The following GNAQ variants were observed in gnomAD, a reference collection of about 807,000 sequenced individuals.
GNAQ encodes the protein guanine nucleotide-binding protein G(q) subunit alpha.
Under a neutral mutation model 43.9 loss-of-function variants are expected in GNAQ, and 8 were observed. The ratio of observed to expected loss-of-function variants is 0.18; its 90% CI spans 0.11 to 0.33. The LOEUF (loss-of-function observed/expected upper bound fraction) is 0.33, where lower values mean the gene tolerates loss of function less well. Ranked by LOEUF, GNAQ falls within the 10% of genes least tolerant of loss-of-function variation. The pLI, the probability that GNAQ is intolerant of heterozygous loss-of-function variation, is 1.00. For missense variants in GNAQ, 158 were observed against 450.8 expected, an observed-to-expected ratio of 0.35 and a Z score of 5.88; for synonymous variants, 155 against 170.7, an observed-to-expected ratio of 0.91 and a Z score of 0.71.
chr9:77,808,590 G>A (rs1469121595), intron 3 of GNAQ, among the ~76,000 whole-genome samples: 1 of 151,980 alleles, frequency 6.6e-6, no homozygotes, highest in South Asian at 2.1e-4. Flanking sequence ...TACATTTCCA[G>A]GTAAATTTTA....
rs191706726 is a variant in GNAQ, at chr9:77,917,056, G to A, written c.321+5105C>T. ...TTCTACAACATGTCTGGCATGTTAC[G>A]GAGGAGATAAAGAATTATAAAGGAA... On this transcript the variant is annotated intron_variant, in intron 2 of 6. Coordinates refer to ENST00000286548, the MANE Select transcript of GNAQ (RefSeq NM_002072.5). 9.2e-5 allele frequency among the ~76,000 whole-genome samples: 14 copies of A among 152,236 alleles called. No individual in the cohort carries two copies. In the East Asian group the frequency reaches 2.5e-3, roughly 27 times the overall value.
intron 5 of GNAQ, among the ~76,000 whole-genome samples, chr9:77,737,180 G>A (rs931383992): frequency 5.9e-5 from 9 of 152,170 alleles, no homozygotes; most frequent in Non-Finnish European, 1.5e-5. Flanking sequence ...ATTATTCTGT[G>A]CTATCATCTC....
chr9:77,717,992 TCCAATTTA>T lies in GNAQ; in HGVS notation c.*3323_*3330del, dbSNP rs1825251261. The T allele has an allele frequency of 4.3e-6, 1 of 232,722 alleles. No individual in the cohort carries two copies. Among genetic ancestry groups the T allele is most frequent in the Non-Finnish European group, 8.5e-6 (1 of 117,784 alleles). 14.4% of individuals were successfully genotyped at this position (232,722 alleles called of 1,614,324 possible). Reference sequence around the variant, plus strand: ...AGCTCTGTAAGGCATAGTAGAAACTTCCAATTTACAAATAAGGAATTCTCTGGGGGTTA... The same window carrying T: ...AGCTCTGTAAGGCATAGTAGAAACTTCAAATAAGGAATTCTCTGGGGGTTA... On this transcript the variant is annotated 3_prime_UTR_variant, in exon 7 of 7. Coordinates refer to ENST00000286548, the MANE Select transcript of GNAQ (RefSeq NM_002072.5).
intron 2 of GNAQ, among the ~76,000 whole-genome samples, chr9:77,886,124 G>A (rs919653107): frequency 4.6e-5 from 7 of 151,998 alleles, no homozygotes; most frequent in South Asian, 2.1e-4. Flanking sequence ...TTACAGGCAC[G>A]CCTGGCTAAT....
chr9:77,987,485 G>C (rs1447403895), intron 1 of GNAQ, among the ~76,000 whole-genome samples: 3 of 152,128 alleles, frequency 2.0e-5, no homozygotes, highest in Non-Finnish European at 2.9e-5. Context: ...TAATCTAATA[G>C]AAGCATCTAA....
chr9:77,805,654 T>A (rs781252009), intron 3 of GNAQ, among the ~76,000 whole-genome samples: 1 of 152,096 alleles, frequency 6.6e-6, no homozygotes, highest in African/African-American at 2.4e-5. Context: ...TCTGCCAACC[T>A]CAGCCTCCCA....
chr9:77,819,764 C>T (rs1306820797), intron 2 of GNAQ, among the ~76,000 whole-genome samples: 1 of 147,020 alleles, frequency 6.8e-6, no homozygotes, highest in Non-Finnish European at 1.5e-5. Context: ...AAATCACCAA[C>T]TCCTAAATGG....
chr9:77,931,069 C>T (rs541653640), intron 1 of GNAQ, among the ~76,000 whole-genome samples: 1 of 151,312 alleles, frequency 6.6e-6, no homozygotes, highest in African/African-American at 2.4e-5. Context: ...CCGACCCGAC[C>T]CCCATCCCTG....
intron 1 of GNAQ, among the ~76,000 whole-genome samples, chr9:77,979,121 C>T (rs958099434): frequency 2.2e-4 from 34 of 151,512 alleles, no homozygotes; most frequent in Admixed American, 2.1e-3. Flanking sequence ...TTTGGGAGGC[C>T]GAGGTGGGCA....
chr9:77,965,344 C>T (rs1823153541), intron 1 of GNAQ, among the ~76,000 whole-genome samples: 1 of 152,132 alleles, frequency 6.6e-6, no homozygotes, highest in Non-Finnish European at 1.5e-5. Context: ...CCATCATACT[C>T]AGCTATCCAT....
intron 2 of GNAQ, among the ~76,000 whole-genome samples, chr9:77,842,229 G>C (rs1476420972): frequency 6.6e-6 from 1 of 152,188 alleles, no homozygotes; most frequent in Non-Finnish European, 1.5e-5. Flanking sequence ...GAAAGGATGA[G>C]AGTAACTACT....
intron 1 of GNAQ, among the ~76,000 whole-genome samples, chr9:78,004,216 C>T (rs573696240): frequency 2.8e-4 from 42 of 151,156 alleles, no homozygotes; most frequent in Admixed American, 1.4e-3. Flanking sequence ...TATAAATACT[C>T]CAGTTGGCTA....
rs545294694 is a variant in GNAQ, at chr9:77,778,169, G to A, written c.735+16294C>T. 4.6e-5 allele frequency among the ~76,000 whole-genome samples: 7 copies of A among 151,722 alleles called. No individual in the cohort carries two copies. In the South Asian group the frequency reaches 1.5e-3, roughly 32 times the overall value. ...TAACAGATAACAGCTCTAATAGCAA[G>A]TGTTCAATTATGTATGTTTTTATAT... On this transcript the variant is annotated intron_variant, in intron 5 of 6. Coordinates refer to ENST00000286548, the MANE Select transcript of GNAQ (RefSeq NM_002072.5).
chr9:77,985,759 TG>T lies in GNAQ; in HGVS notation c.136+45340del, dbSNP rs1823427540. On this transcript the variant is annotated intron_variant, in intron 1 of 6. Transcript: ENST00000286548. ...GCACCACCACACCCGGCTAATTTTT[TG>T]GATTTTTAGTAGAGATGGGGTTTCA... 4.6e-5 allele frequency among the ~76,000 whole-genome samples: 7 copies of T among 151,948 alleles called. No homozygotes were observed. In the South Asian group the frequency reaches 1.5e-3, roughly 32 times the overall value.
chr9:77,984,504 T>C (rs1823409357), intron 1 of GNAQ, among the ~76,000 whole-genome samples: 1 of 152,112 alleles, frequency 6.6e-6, no homozygotes, highest in African/African-American at 2.4e-5. Context: ...GCCTTAGAGT[T>C]GATGAAATAG....
chr9:77,741,497 C>G (rs531843706), intron 5 of GNAQ, among the ~76,000 whole-genome samples: 1 of 152,250 alleles, frequency 6.6e-6, no homozygotes, highest in African/African-American at 2.4e-5. Context: ...AGGTTTCTTA[C>G]TTTCCTTTTT....
intron 2 of GNAQ, among the ~76,000 whole-genome samples, chr9:77,847,211 G>C (rs1477628130): frequency 6.6e-6 from 1 of 152,180 alleles, no homozygotes; most frequent in Non-Finnish European, 1.5e-5. Context: ...GCAAGGCAGT[G>C]GTCAGTTATG....
chr9:77,929,883 G>A (rs921994833), intron 1 of GNAQ, among the ~76,000 whole-genome samples: 17 of 151,856 alleles, frequency 1.1e-4, no homozygotes, highest in African/African-American at 1.7e-4. Flanking sequence ...GTTATTTTTC[G>A]CTTAACATAC....
intron 2 of GNAQ, among the ~76,000 whole-genome samples, chr9:77,828,076 A>AAAAAAAAAAAAAAAAAC (rs1827232982): frequency 7.1e-6 from 1 of 140,598 alleles, no homozygotes; most frequent in Admixed American, 8.0e-5. Flanking sequence ...AAAAAAAAAA[A>AAAAAAAAAAAAAAAAAC]AAAAAAAAAA....
Sources: allele counts gnomAD v4.1 joint callset (sites outside exome capture counted in the v4.1 genomes callset), GRCh38; gene constraint gnomAD v4.1.1; transcripts MANE v1.5; gene names NCBI Gene and HGNC (gene_info 2026-07-23, HGNC 2026-07-21).